The following COL13A1 variants were observed in gnomAD, a reference collection of about 807,000 sequenced individuals.
The protein encoded by COL13A1 is collagen type XIII alpha 1 chain, also known as collagen alpha-1(XIII) chain.
A neutral mutation model predicts 130.9 loss-of-function variants in COL13A1; 89 were observed. The observed-to-expected ratio is 0.68, with a 90% confidence interval of 0.57 to 0.81. The LOEUF (loss-of-function observed/expected upper bound fraction) is 0.81. COL13A1 is among the 30% of genes least tolerant of loss of function. The probability of loss-of-function intolerance (pLI) is 0.00; values close to 1 mark genes in which losing one functional copy is unlikely to be tolerated. For missense variants in COL13A1, 879 were observed against 934.6 expected (o/e 0.94, Z 0.78); for synonymous variants, 402 against 341.6 (o/e 1.18, Z -1.95).
chr10:69,829,371 T>G, intron 2 of COL13A1: 2 of 630,422 alleles, frequency 3.2e-6, no homozygotes, highest in Non-Finnish European at 4.0e-6. Flanking sequence ...CCTAAATCCC[T>G]AACACAGCTT....
At chr10:69,827,162 A>T (rs1379901500) in intron 2 of COL13A1, among the ~76,000 whole-genome samples, 1 of 152,224 alleles carries the variant, frequency 6.6e-6, no homozygotes, top group Non-Finnish European at 1.5e-5. Flanking sequence ...CGGAGGAGCA[A>T]GAAAAAGGCA....
At chr10:69,883,915 A>T (rs930902154) in intron 7 of COL13A1, among the ~76,000 whole-genome samples, 2 of 152,196 alleles carry the variant, frequency 1.3e-5, no homozygotes, top group Non-Finnish European at 2.9e-5. Context: ...CTGGAGCAGA[A>T]TCGGTGGGGC....
intron 32 of COL13A1, among the ~76,000 whole-genome samples, chr10:69,936,087 GGGAA>G (rs1283987168): frequency 8.0e-6 from 1 of 124,616 alleles, no homozygotes; most frequent in Non-Finnish European, 1.7e-5. Context: ...GAGGGAGGGA[GGGAA>G]GGAGGGAAGG....
intron 6 of COL13A1, 142 bp downstream of exon 6, chr10:69,878,207 G>C (rs1275125704): frequency 9.5e-6 from 6 of 632,754 alleles, no homozygotes; most frequent in South Asian, 6.8e-5. Flanking sequence ...TGCCTCTCAC[G>C]GCCCCGTTTC....
In COL13A1 at chr10:69,866,774, G is replaced by A. The variant is rs377556825; in HGVS notation, c.365-1024G>A. On this transcript the variant is annotated intron_variant, in intron 2 of 40. Coordinates refer to ENST00000645393, the MANE Select transcript of COL13A1 (RefSeq NM_001368882.1). ...GGATGGTGACCAGGGCAGAGAAGCC[G>A]ACAGATAAAGGAGGAGAGAAGGAAG... is the stretch of plus-strand genomic sequence containing the variant. Among the ~76,000 whole-genome samples, 296 of 152,300 alleles carry A rather than the reference G, an allele frequency of 1.9e-3. 12 individuals carry two copies. The highest frequency in any genetic ancestry group is 2.4e-3 in the African/African-American group (100 of 41,576).
chr10:69,897,269 G>A (rs997167899), intron 13 of COL13A1, among the ~76,000 whole-genome samples: 2 of 152,162 alleles, frequency 1.3e-5, no homozygotes. Context: ...AGATCTGTTG[G>A]CTTTCCAAGG....
intron 38 of COL13A1, among the ~76,000 whole-genome samples, chr10:69,952,258 C>T (rs1466319703): frequency 1.3e-5 from 2 of 152,230 alleles, no homozygotes; most frequent in Non-Finnish European, 2.9e-5. Context: ...AATAAAGGCA[C>T]ACACATGTGT....
At chr10:69,945,151 C>T (rs1180192553) in intron 36 of COL13A1, among the ~76,000 whole-genome samples, 5 of 152,284 alleles carry the variant, frequency 3.3e-5, no homozygotes, top group Non-Finnish European at 7.4e-5. Flanking sequence ...GGGCATCCGT[C>T]GAGTTCTCTG....
At chr10:69,838,871 A>C (rs7914023) in intron 2 of COL13A1, among the ~76,000 whole-genome samples, 22,546 of 152,302 alleles carry the variant, frequency 0.15, 1,724 homozygotes, top group Non-Finnish European at 0.16. Context: ...TTGTAAAATG[A>C]GCCTGAGACA....
intron 1 of COL13A1, among the ~76,000 whole-genome samples, chr10:69,821,835 G>A (rs1846149691): frequency 6.6e-6 from 1 of 152,176 alleles, no homozygotes; most frequent in Admixed American, 6.5e-5. Flanking sequence ...ACCTCTTTGG[G>A]ACCTTCCAGG....
intron 7 of COL13A1, among the ~76,000 whole-genome samples, chr10:69,882,760 C>A (rs1409350467): frequency 6.6e-6 from 1 of 152,174 alleles, no homozygotes; most frequent in African/African-American, 2.4e-5. Flanking sequence ...ACATTGGCAC[C>A]AGGAAAGGTT....
chr10:69,894,582 G>C lies in COL13A1; in HGVS notation c.630+4G>C. The C allele has an allele frequency of 6.2e-7, 1 of 1,614,022 alleles. No homozygotes were observed. The highest frequency in any genetic ancestry group is 8.5e-7 in the Non-Finnish European group (1 of 1,179,894). ...GACGGGTCCCCCAGGACAGCCGGTTGGTACCTCATCCATCTATTTCCCAGC... is the reference window on the plus strand; with the variant it reads ...GACGGGTCCCCCAGGACAGCCGGTTCGTACCTCATCCATCTATTTCCCAGC... On this transcript the variant is annotated splice_donor_region_variant and intron_variant, in intron 11 of 40. Coordinates refer to ENST00000645393, the MANE Select transcript of COL13A1 (RefSeq NM_001368882.1).
chr10:69,940,955 CCTT>C, intron 34 of COL13A1, 30 bp from the exon 35 acceptor site: 2 of 1,613,860 alleles, frequency 1.2e-6, no homozygotes, highest in Non-Finnish European at 1.7e-6. Context: ...CCTCTCTTCC[CCTT>C]CTTTTGGTCA....
intron 35 of COL13A1, 33 bp downstream of exon 35, chr10:69,941,056 A>G (rs749841507): frequency 3.6e-5 from 58 of 1,612,546 alleles, no homozygotes; most frequent in Non-Finnish European, 4.9e-5. Flanking sequence ...CCCTCACCCC[A>G]CTCCACTCCA....
chr10:69,873,775 G>A (rs552673707), intron 4 of COL13A1, among the ~76,000 whole-genome samples: 5 of 152,188 alleles, frequency 3.3e-5, no homozygotes, highest in East Asian at 1.9e-4. Flanking sequence ...TGATGCTTCC[G>A]TGTGAAGGGT....
chr10:69,860,502 C>T (rs1479229107), intron 2 of COL13A1, among the ~76,000 whole-genome samples: 1 of 152,222 alleles, frequency 6.6e-6, no homozygotes, highest in Non-Finnish European at 1.5e-5. Flanking sequence ...TCCTGCTCAA[C>T]CCTTAGCCTT....
chr10:69,867,881 G>A (rs921105959), intron 3 of COL13A1, 76 bp downstream of exon 3: 26 of 715,170 alleles, frequency 3.6e-5, no homozygotes, highest in Non-Finnish European at 5.5e-5. Flanking sequence ...CTGGGTGGGG[G>A]CACTGAAAGC....
At position 69,923,805 on chromosome 10, in the gene COL13A1, G is replaced by A. The variant is rs1440375004; in HGVS notation, c.1234G>A (p.Glu412Lys). 6.2e-7 allele frequency: 1 copy of A among 1,610,686 alleles called. No individual in the cohort carries two copies. Residue 412 changes from glutamate (E) to lysine (K), a missense_variant, in exon 24 of 41, where the codon GAA becomes AAA. Transcript: ENST00000645393. ...CCAACTCTCTCCTCTTCCCCAGGGA[G>A]AAGCAGGTGTCGATGGCCAGGTTGG... ...GLPGPPGPKG[E>K]AGVDGQVGPP... is the part of the protein sequence containing the mutation.
chr10:69,880,442 GCTC>G, intron 6 of COL13A1, 58 bp from the exon 7 acceptor site: 1 of 971,162 alleles, frequency 1.0e-6, no homozygotes, highest in Non-Finnish European at 1.7e-6. Flanking sequence ...TCTCTTTCCC[GCTC>G]CTCTTCTCCA....
Sources: allele counts gnomAD v4.1 joint callset (sites outside exome capture counted in the v4.1 genomes callset), GRCh38; gene constraint gnomAD v4.1.1; transcripts MANE v1.5; gene names NCBI Gene and HGNC (gene_info 2026-07-23, HGNC 2026-07-21).